Variants in RPS19 observed in about 807,000 individuals in gnomAD.
The protein encoded by RPS19 is ribosomal protein S19.
RPS19 carries 1 observed loss-of-function variant against 20.3 expected under a neutral mutation model. The ratio of observed to expected loss-of-function variants is 0.05; its 90% CI spans 0.02 to 0.23. The LOEUF (loss-of-function observed/expected upper bound fraction) is 0.23. Ranked by LOEUF, RPS19 falls within the 10% of genes least tolerant of loss-of-function variation. RPS19 has a pLI of 1.00. For synonymous variants in RPS19, 87 were observed against 74.8 expected (o/e 1.16, Z -0.84); for missense variants, 111 against 192.7 (o/e 0.58, Z 2.51).
intron 5 of RPS19, among the ~76,000 whole-genome samples, chr19:41,870,852 T>C (rs1555841818): frequency 2.6e-5 from 1 of 38,818 alleles, no homozygotes; most frequent in African/African-American, 1.1e-4. Flanking sequence ...TCCCTTCCTT[T>C]TTTTTTTTTT....
chr19:41,868,873 G>A (rs563893985), intron 3 of RPS19, among the ~76,000 whole-genome samples, 158 bp from the exon 4 acceptor site: 16 of 151,948 alleles, frequency 1.1e-4, no homozygotes, highest in Non-Finnish European at 2.9e-5. Flanking sequence ...TAGCCGGGGG[G>A]GTGGGTGAGG....
At chr19:41,869,239 T>C (rs781839024) in intron 4 of RPS19, 25 bp downstream of exon 4, 1 of 1,602,198 alleles carries the variant, frequency 6.2e-7, no homozygotes, top group South Asian at 1.1e-5. Context: ...GGGGGCTGCA[T>C]TGATGGAGTA....
At chr19:41,869,891 G>C in intron 5 of RPS19, 138 bp downstream of exon 5, 2 of 829,820 alleles carry the variant, frequency 2.4e-6, no homozygotes, top group Non-Finnish European at 4.0e-6. Context: ...GAGGAGGGCT[G>C]CCCAGAGACA....
chr19:41,869,695 A>T lies in RPS19; in HGVS notation c.357-4A>T. The T allele has an allele frequency of 6.2e-7, 1 of 1,613,980 alleles. No individual in the cohort carries two copies. The highest frequency in any genetic ancestry group is 2.2e-5 in the East Asian group (1 of 44,860). ...GGGCCTGCATGACCCTTCCCTCCCC[A>T]CAGCGGCCGCAAACTGACACCTCAG... On this transcript the variant is annotated splice_polypyrimidine_tract_variant and splice_region_variant and intron_variant, in intron 4 of 5. Coordinates refer to ENST00000598742, the MANE Select transcript of RPS19 (RefSeq NM_001022.4).
intron 3 of RPS19, among the ~76,000 whole-genome samples, chr19:41,867,798 CT>C (rs1332292893): frequency 2.6e-5 from 4 of 152,142 alleles, no homozygotes; most frequent in African/African-American, 9.7e-5. Flanking sequence ...GAATGAGGCC[CT>C]TTTTTTGTGT....
At position 41,860,280 on chromosome 19, in the gene RPS19, A is replaced by G. The variant is rs564634801; in HGVS notation, c.-10A>G. ...CCCTTTCCCCTGGCTGGCAGCGCGG[A>G]GGCCGCACGGTAAGCGGGGGCTCCG... On this transcript the variant is annotated 5_prime_UTR_variant, in exon 1 of 6. Coordinates refer to ENST00000598742, the MANE Select transcript of RPS19 (RefSeq NM_001022.4). 121 of 153,230 alleles carry G rather than the reference A, an allele frequency of 7.9e-4. No homozygotes were observed. The highest frequency in any genetic ancestry group is 2.0e-3 in the Admixed American group (30 of 15,302). 9.5% of individuals were successfully genotyped at this position (153,230 alleles called of 1,614,324 possible).
intron 3 of RPS19, among the ~76,000 whole-genome samples, chr19:41,865,632 G>T (rs148356823): frequency 6.6e-6 from 1 of 152,140 alleles, no homozygotes; most frequent in Non-Finnish European, 1.5e-5. Flanking sequence ...GCGCTTAGGA[G>T]TGTGTGCCTT....
rs1555838873 is a variant in RPS19, at chr19:41,860,263, C to G, written c.-27C>G. 1.3e-5 allele frequency: 2 copies of G among 153,116 alleles called. No homozygotes were observed. Among genetic ancestry groups the G allele is most frequent in the Non-Finnish European group, 2.9e-5 (2 of 68,330 alleles). The allele number at this position is 153,116 out of a possible 1,614,324, so 9.5% of individuals were successfully genotyped here. A position where few individuals can be genotyped will look rare whatever the true frequency, so the allele number is the denominator to read the frequency against. ...CGGGAAACCCCGTCGTTCCCTTTCCCCTGGCTGGCAGCGCGGAGGCCGCAC... is the reference window on the plus strand; with the variant it reads ...CGGGAAACCCCGTCGTTCCCTTTCCGCTGGCTGGCAGCGCGGAGGCCGCAC... On this transcript the variant is annotated 5_prime_UTR_variant, in exon 1 of 6. Coordinates refer to ENST00000598742, the MANE Select transcript of RPS19 (RefSeq NM_001022.4).
At chr19:41,862,296 G>T (rs1555839434) in intron 3 of RPS19, among the ~76,000 whole-genome samples, 1 of 152,196 alleles carries the variant, frequency 6.6e-6, no homozygotes, top group African/African-American at 2.4e-5. Flanking sequence ...CATGGAGTGA[G>T]CACAGAGGAC....
chr19:41,862,622 A>G (rs1439791345), intron 3 of RPS19, among the ~76,000 whole-genome samples: 1 of 147,138 alleles, frequency 6.8e-6, no homozygotes, highest in African/African-American at 2.5e-5. Context: ...GTAGGACTGT[A>G]TGTGTCTTGT....
rs1393443535 is a variant in RPS19 at position 41,869,229 on chromosome 19, G to A, written c.356+15G>A. The A allele has an allele frequency of 2.7e-5, 43 of 1,609,990 alleles. No individual in the cohort carries two copies. Among genetic ancestry groups the A allele is most frequent in the Non-Finnish European group, 3.5e-5 (41 of 1,177,732 alleles). ...GACCAAGATGGGTAAGCAGGGTAGA[G>A]GGGGCTGCATTGATGGAGTAGCCTT... On this transcript the variant is annotated intron_variant, in intron 4 of 5. Transcript: ENST00000598742.
At chr19:41,864,672 G>A (rs1394791909) in intron 3 of RPS19, 1 of 152,352 alleles carries the variant, frequency 6.6e-6, no homozygotes, top group African/African-American at 2.4e-5. Flanking sequence ...CAGGTAGGGG[G>A]TGATTCCTGG....
intron 5 of RPS19, among the ~76,000 whole-genome samples, chr19:41,870,894 GCT>G (rs1168900108): frequency 9.3e-6 from 1 of 107,506 alleles, no homozygotes; most frequent in Non-Finnish European, 1.7e-5. Context: ...ACAGAGTCTT[GCT>G]CTGTCGCCCA....
intron 3 of RPS19, chr19:41,864,132 C>T (rs2074061078): frequency 6.6e-6 from 1 of 152,238 alleles, no homozygotes; most frequent in Non-Finnish European, 1.5e-5. Flanking sequence ...TGAGCTCCCG[C>T]ACCCAGCTGG....
At chr19:41,861,641 G>T in intron 3 of RPS19, 1 of 271,950 alleles carries the variant, frequency 3.7e-6, no homozygotes. Flanking sequence ...GTATTGCAAG[G>T]ATTGAATGAA....
In RPS19 at chr19:41,872,307, TA is replaced by T. The variant is rs2074157974; in HGVS notation, c.*933del. On this transcript the variant is annotated 3_prime_UTR_variant, in exon 6 of 6. Coordinates refer to ENST00000598742, the MANE Select transcript of RPS19 (RefSeq NM_001022.4). ...AGATGTCCCTCCCAGTTGGGAAGACTAAACTGGTTTGGCCAATATCTCCCAG... is the reference window on the plus strand; with the variant it reads ...AGATGTCCCTCCCAGTTGGGAAGACTAACTGGTTTGGCCAATATCTCCCAG... The T allele has an allele frequency of 6.6e-6, 1 of 152,290 alleles. No individual in the cohort carries two copies. The highest frequency in any genetic ancestry group is 1.5e-5 in the Non-Finnish European group (1 of 68,056). 9.4% of individuals were successfully genotyped at this position (152,290 alleles called of 1,614,324 possible).
chr19:41,868,541 G>C (rs1278761957), intron 3 of RPS19, among the ~76,000 whole-genome samples: 1 of 152,192 alleles, frequency 6.6e-6, no homozygotes, highest in Non-Finnish European at 1.5e-5. Context: ...GGTGGACCAG[G>C]GACTTGCCCA....
In RPS19 at chr19:41,871,452, T is replaced by C. The variant is rs549488345; in HGVS notation, c.*75T>C. 2.2e-6 allele frequency: 3 copies of C among 1,369,348 alleles called. No individual in the cohort carries two copies. Among genetic ancestry groups the C allele is most frequent in the South Asian group, 1.2e-5 (1 of 85,742 alleles). 84.8% of individuals were successfully genotyped at this position (1,369,348 alleles called of 1,614,324 possible). ...GGTCTCTTTTTTGAGTCTCTTGCTC[T>C]GTCGCCCAGGCTGGAGTGCAGTGGC... On this transcript the variant is annotated 3_prime_UTR_variant, in exon 6 of 6. Coordinates refer to ENST00000598742, the MANE Select transcript of RPS19 (RefSeq NM_001022.4).
At position 41,871,408 on chromosome 19, in the gene RPS19, C is replaced by T. The variant is rs782162445; in HGVS notation, c.*31C>T. ...ACCATGCTGGGTTAATAAATTGCCTCATTCGTAATCCTGGTCTGGGTCTCT... is the reference window on the plus strand; with the variant it reads ...ACCATGCTGGGTTAATAAATTGCCTTATTCGTAATCCTGGTCTGGGTCTCT... On this transcript the variant is annotated 3_prime_UTR_variant, in exon 6 of 6. Transcript: ENST00000598742. 1.2e-6 allele frequency: 2 copies of T among 1,605,346 alleles called. No individual in the cohort carries two copies. Among genetic ancestry groups the T allele is most frequent in the Non-Finnish European group, 1.7e-6 (2 of 1,172,466 alleles).
Sources: gnomAD v4.1 joint callset for allele counts (sites outside exome capture counted in the v4.1 genomes callset) on GRCh38, gnomAD v4.1.1 for gene constraint, MANE v1.5 for transcripts, NCBI Gene and HGNC (gene_info 2026-07-23, HGNC 2026-07-21) for gene names.